The following CSMD3 variants were observed in gnomAD, a reference collection of about 807,000 sequenced individuals.
CSMD3 encodes the protein CUB and Sushi multiple domains 3.
CSMD3 carries 177 observed loss-of-function variants against 435.2 expected under a neutral mutation model. The ratio of observed to expected loss-of-function variants is 0.41; its 90% CI spans 0.36 to 0.46. The LOEUF is 0.46. Ranked by LOEUF, CSMD3 falls within the 20% of genes least tolerant of loss-of-function variation. The pLI is 0.34. For missense variants in CSMD3, 4,265 were observed against 4,504.6 expected (o/e 0.95, Z 1.52); for synonymous variants, 1,656 against 1,520.5 (o/e 1.09, Z -2.07).
chr8:112,974,175 T>G, intron 7 of CSMD3, among the ~76,000 whole-genome samples: 1 of 151,920 alleles, frequency 6.6e-6, no homozygotes, highest in East Asian at 1.9e-4. Flanking sequence ...TTGAAGAAAC[T>G]TAAACATTTT....
chr8:113,246,769 G>C (rs1214407506), intron 3 of CSMD3, among the ~76,000 whole-genome samples: 1 of 152,104 alleles, frequency 6.6e-6, no homozygotes, highest in Non-Finnish European at 1.5e-5. Flanking sequence ...TATTTGTTCA[G>C]TTTAATTCTA....
At chr8:112,922,304 G>A (rs997290539) in intron 9 of CSMD3, among the ~76,000 whole-genome samples, 13 of 151,816 alleles carry the variant, frequency 8.6e-5, no homozygotes, top group Admixed American at 4.0e-4. Context: ...CATGCAATAC[G>A]AAATAATCAG....
chr8:112,574,694 G>C (rs896861133), intron 23 of CSMD3, among the ~76,000 whole-genome samples: 2 of 151,830 alleles, frequency 1.3e-5, no homozygotes, highest in Non-Finnish European at 2.9e-5. Context: ...TAATATTTTA[G>C]GTATCACAAT....
intron 4 of CSMD3, among the ~76,000 whole-genome samples, chr8:113,162,456 T>C (rs2092061144): frequency 6.6e-6 from 1 of 151,636 alleles, no homozygotes. Flanking sequence ...TCCCAGCTAC[T>C]TGTGAGGCTG....
chr8:112,718,281 T>C (rs67270133), intron 13 of CSMD3, among the ~76,000 whole-genome samples: 50,431 of 151,672 alleles, frequency 0.33, 9,246 homozygotes, highest in African/African-American at 0.5. Flanking sequence ...CTATATACTA[T>C]GAAGGATACT....
chr8:112,855,570 G>T (rs2080627930), intron 11 of CSMD3, among the ~76,000 whole-genome samples: 2 of 151,980 alleles, frequency 1.3e-5, no homozygotes, highest in Non-Finnish European at 2.9e-5. Flanking sequence ...GATAAATAGA[G>T]ATACAAATAG....
chr8:112,743,244 A>G (rs2077351510), intron 13 of CSMD3, among the ~76,000 whole-genome samples: 1 of 151,872 alleles, frequency 6.6e-6, no homozygotes, highest in Admixed American at 6.6e-5. Context: ...AGTTTAAAAT[A>G]ATTTCCTCAT....
rs73338152 is a variant in CSMD3 at position 112,725,823 on chromosome 8, T to G, written c.1973-35773A>C. Among the ~76,000 whole-genome samples, 848 of 152,092 alleles carry G rather than the reference T, an allele frequency of 5.6e-3. 3 individuals are homozygous for G. Among genetic ancestry groups the G allele is most frequent in the African/African-American group, 0.019 (796 of 41,546 alleles). ...AAAGTATTTATTTCTTATTAACTGT[T>G]TATTGGTGAAATGAAACATAGACAT... On this transcript the variant is annotated intron_variant, in intron 13 of 70. Transcript: ENST00000297405.
chr8:112,577,019 AG>A, intron 23 of CSMD3, among the ~76,000 whole-genome samples: 1 of 152,240 alleles, frequency 6.6e-6, no homozygotes, highest in East Asian at 1.9e-4. Flanking sequence ...AACACTGTTG[AG>A]TCAAAAGGTA....
At chr8:112,906,208 T>C (rs752534821) in intron 10 of CSMD3, among the ~76,000 whole-genome samples, 30 of 151,332 alleles carry the variant, frequency 2.0e-4, no homozygotes, top group Admixed American at 4.0e-4. Flanking sequence ...TGAGTCTTAG[T>C]TGCAAGTCTG....
At chr8:112,347,773 A>C (rs1825800285) in intron 40 of CSMD3, among the ~76,000 whole-genome samples, 1 of 152,256 alleles carries the variant, frequency 6.6e-6, no homozygotes, top group Admixed American at 6.5e-5. Context: ...AAAATCTGAT[A>C]ATTAATGAGT....
At chr8:112,346,416 C>T (rs1286737006) in intron 40 of CSMD3, among the ~76,000 whole-genome samples, 1 of 152,130 alleles carries the variant, frequency 6.6e-6, no homozygotes. Context: ...AGACAACATC[C>T]TTCCTTCCTC....
At chr8:112,335,733 CTTTG>C (rs1330154921) in intron 44 of CSMD3, among the ~76,000 whole-genome samples, 28 of 133,014 alleles carry the variant, frequency 2.1e-4, no homozygotes, top group Non-Finnish European at 2.3e-4. Context: ...AATACATTGT[CTTTG>C]TTTTTTTTTT....
chr8:112,624,088 T>C (rs1442330304), intron 22 of CSMD3, among the ~76,000 whole-genome samples: 2 of 152,114 alleles, frequency 1.3e-5, no homozygotes, highest in Non-Finnish European at 2.9e-5. Flanking sequence ...AAATTTTTAA[T>C]GCTACATTAT....
intron 69 of CSMD3, among the ~76,000 whole-genome samples, chr8:112,230,684 G>T (rs1813001793): frequency 6.6e-6 from 1 of 151,900 alleles, no homozygotes; most frequent in African/African-American, 2.4e-5. Flanking sequence ...TGTGCATGGT[G>T]GTCTGTAATC....
chr8:112,413,985 G>T (rs759375213), intron 32 of CSMD3, among the ~76,000 whole-genome samples: 6 of 152,062 alleles, frequency 3.9e-5, no homozygotes, highest in Admixed American at 6.6e-5. Flanking sequence ...ACCCTGGTTT[G>T]CTTTCACCAA....
At chr8:112,814,440 TA>T (rs1232368336) in intron 12 of CSMD3, among the ~76,000 whole-genome samples, 2 of 152,074 alleles carry the variant, frequency 1.3e-5, no homozygotes, top group East Asian at 3.9e-4. Flanking sequence ...TATGTAGATA[TA>T]GGGAAAAGTC....
At chr8:112,386,915 T>C (rs1830027546) in intron 36 of CSMD3, among the ~76,000 whole-genome samples, 1 of 152,248 alleles carries the variant, frequency 6.6e-6, no homozygotes, top group Admixed American at 6.5e-5. Flanking sequence ...TTCCAATCAT[T>C]AAAACTAGGC....
intron 31 of CSMD3, among the ~76,000 whole-genome samples, chr8:112,489,913 G>A (rs1278508527): frequency 1.3e-5 from 2 of 152,050 alleles, no homozygotes; most frequent in Admixed American, 1.3e-4. Context: ...TTATCTCTTA[G>A]GGAAATTTTT....
Sources: gnomAD v4.1 joint callset for allele counts (sites outside exome capture counted in the v4.1 genomes callset) on GRCh38, gnomAD v4.1.1 for gene constraint, MANE v1.5 for transcripts, NCBI Gene and HGNC (gene_info 2026-07-23, HGNC 2026-07-21) for gene names.